Variants in RPS6KA2 observed in about 807,000 individuals in gnomAD.
RPS6KA2 encodes ribosomal protein S6 kinase alpha-2.
Under a neutral mutation model 91.8 loss-of-function variants are expected in RPS6KA2, and 42 were observed. That is an observed-to-expected ratio of 0.46 (90% CI 0.36 to 0.59). The LOEUF is 0.59. RPS6KA2 is among the 20% of genes least tolerant of loss of function. The pLI is 0.00. For synonymous variants in RPS6KA2, 414 were observed against 393.6 expected (o/e 1.05, Z -0.61); for missense variants, 798 against 978.5 (o/e 0.82, Z 2.46).
At chr6:166,583,437 GA>G (rs1770166163) in intron 1 of RPS6KA2, among the ~76,000 whole-genome samples, 1 of 152,214 alleles carries the variant, frequency 6.6e-6, no homozygotes, top group African/African-American at 2.4e-5. Flanking sequence ...GCACAGAGGC[GA>G]AAACCAATGG....
At chr6:166,567,100 C>G (rs1784530089) in intron 1 of RPS6KA2, among the ~76,000 whole-genome samples, 1 of 152,178 alleles carries the variant, frequency 6.6e-6, no homozygotes, top group Admixed American at 6.5e-5. Context: ...CTGAGGTAAC[C>G]CAGGAAGACA....
Position 166,825,030 on chromosome 6 carries a change from G to A in RPS6KA2, c.123+33170C>T, listed in dbSNP as rs11961705. On this transcript the variant is annotated intron_variant, in intron 2 of 21. Transcript: ENST00000503859. The surrounding 1 kb of genome is among the most constrained non-coding windows in gnomAD (Gnocchi z 4.1). Reference sequence around the variant, plus strand: ...GAGCACCCCAGGGAGCTGCCTTCCCGTCCGTCTTCTGCCTCCACCCACACA... The same window carrying A: ...GAGCACCCCAGGGAGCTGCCTTCCCATCCGTCTTCTGCCTCCACCCACACA... Among the ~76,000 whole-genome samples, 19,933 of 152,260 alleles carry A rather than the reference G, an allele frequency of 0.13. 1,508 individuals carry two copies. Among genetic ancestry groups the A allele is most frequent in the East Asian group, 0.28 (1,431 of 5,188 alleles).
chr6:166,544,238 G>T (rs531050220), intron 1 of RPS6KA2, among the ~76,000 whole-genome samples: 1 of 152,216 alleles, frequency 6.6e-6, no homozygotes, highest in African/African-American at 2.4e-5. Flanking sequence ...CTACCACGCC[G>T]CTAGAATGGA....
rs1788316631 is a variant in RPS6KA2 at position 166,666,384 on chromosome 6, T to C, written c.124-127600A>G. Among the ~76,000 whole-genome samples, 1 of 152,222 alleles carries C rather than the reference T, an allele frequency of 6.6e-6. No individual in the cohort carries two copies. On this transcript the variant is annotated intron_variant, in intron 2 of 21. Transcript: ENST00000503859. This position sits in a 1 kb window ranked among gnomAD's most constrained non-coding sequence, Gnocchi z 4.0. ...GTACTCAGATCCTGACATTTGTCAG[T>C]TGTGTCAAAATGCTAGAAAGTACCA... is the stretch of plus-strand genomic sequence containing the variant.
intron 1 of RPS6KA2, among the ~76,000 whole-genome samples, chr6:166,541,028 C>A (rs1783636446): frequency 6.6e-6 from 1 of 152,240 alleles, no homozygotes; most frequent in African/African-American, 2.4e-5. Flanking sequence ...ACTGTCCTCG[C>A]AATGGGTCCA....
chr6:166,547,164 G>A (rs1413056654), intron 1 of RPS6KA2, among the ~76,000 whole-genome samples: 2 of 152,154 alleles, frequency 1.3e-5, no homozygotes, highest in African/African-American at 4.8e-5. Context: ...GCAGAGGGAC[G>A]CTTGCTGGGG....
At chr6:166,469,230 A>G (rs1780659652) in intron 11 of RPS6KA2, among the ~76,000 whole-genome samples, 2 of 152,182 alleles carry the variant, frequency 1.3e-5, no homozygotes, top group Non-Finnish European at 2.9e-5. Flanking sequence ...AACTTCTCAG[A>G]CAATGTCCAG....
intron 3 of RPS6KA2, among the ~76,000 whole-genome samples, chr6:166,520,194 C>T (rs1408744121): frequency 6.6e-6 from 1 of 152,134 alleles, no homozygotes; most frequent in East Asian, 1.9e-4. Flanking sequence ...CTCAGGACTT[C>T]GAATTCAGAC....
chr6:166,480,272 T>G, intron 10 of RPS6KA2, among the ~76,000 whole-genome samples: 1 of 151,824 alleles, frequency 6.6e-6, no homozygotes, highest in East Asian at 1.9e-4. Flanking sequence ...TAGACCTCCA[T>G]GAAGACAGTA....
Position 166,423,643 on chromosome 6 carries a change from C to T in RPS6KA2, c.1582-226G>A, listed in dbSNP as rs1175144007. 1.3e-5 allele frequency among the ~76,000 whole-genome samples: 2 copies of T among 152,340 alleles called. No individual in the cohort carries two copies. Among genetic ancestry groups the T allele is most frequent in the African/African-American group, 4.8e-5 (2 of 41,562 alleles). On this transcript the variant is annotated intron_variant, in intron 16 of 20. Transcript: ENST00000265678. This position sits in a 1 kb window ranked among gnomAD's most constrained non-coding sequence, Gnocchi z 4.8. ...CTCACTTCTGAGCTCCTGGTGTCAC[C>T]TGCTTTTACAGTGAATGAATATTTG...
intron 1 of RPS6KA2, among the ~76,000 whole-genome samples, chr6:166,594,186 G>A (rs1031339327): frequency 2.0e-5 from 3 of 152,182 alleles, no homozygotes; most frequent in Non-Finnish European, 4.4e-5. Flanking sequence ...TTCTGAAAAT[G>A]TCTTGGTAAG....
At chr6:166,579,356 C>A (rs993001912) in intron 1 of RPS6KA2, among the ~76,000 whole-genome samples, 7 of 152,228 alleles carry the variant, frequency 4.6e-5, no homozygotes, top group African/African-American at 1.7e-4. Flanking sequence ...TTCTTGGCTG[C>A]TCGGGCCCTT....
chr6:166,471,307 T>G (rs1016006874), intron 10 of RPS6KA2, among the ~76,000 whole-genome samples: 3 of 152,180 alleles, frequency 2.0e-5, no homozygotes, highest in Non-Finnish European at 4.4e-5. Context: ...TGGCTGGAAC[T>G]GCCCGTGTCC....
chr6:166,823,932 T>C (rs2128624070), intron 2 of RPS6KA2, among the ~76,000 whole-genome samples: 1 of 152,290 alleles, frequency 6.6e-6, no homozygotes, highest in Middle Eastern at 3.4e-3. Context: ...GTTGGGAGTA[T>C]AAACTGGCAC....
intron 2 of RPS6KA2, among the ~76,000 whole-genome samples, chr6:166,756,150 C>T (rs1376147813): frequency 3.9e-5 from 6 of 152,002 alleles, no homozygotes; most frequent in South Asian, 2.1e-4. Context: ...ATTAGCCAGG[C>T]GTGGTGGCAG....
At chr6:166,604,642 A>G (rs1472575299) in intron 1 of RPS6KA2, among the ~76,000 whole-genome samples, 2 of 152,238 alleles carry the variant, frequency 1.3e-5, no homozygotes, top group Non-Finnish European at 2.9e-5. Context: ...GCTTGCTGTA[A>G]GAAGTCAACA....
rs149011816 is a variant in RPS6KA2, at chr6:166,805,805, G to T, written c.123+52395C>A. On this transcript the variant is annotated intron_variant, in intron 2 of 21. Transcript: ENST00000503859. ...AACTGTCCCTGAAAAAGACCTGATG[G>T]TAGATCTACTAGACAGACTTTAAAA... Among the ~76,000 whole-genome samples, 565 of 152,262 alleles carry T rather than the reference G, an allele frequency of 3.7e-3. 5 individuals are homozygous for T. Among genetic ancestry groups the T allele is most frequent in the African/African-American group, 0.013 (541 of 41,538 alleles).
chr6:166,633,686 T>C (rs1207178665), intron 2 of RPS6KA2, among the ~76,000 whole-genome samples: 1 of 152,248 alleles, frequency 6.6e-6, no homozygotes, highest in African/African-American at 2.4e-5. Context: ...AACATTATGG[T>C]AGAAAATGCT....
At chr6:166,544,094 C>T (rs550238332) in intron 1 of RPS6KA2, among the ~76,000 whole-genome samples, 2 of 152,372 alleles carry the variant, frequency 1.3e-5, no homozygotes, top group African/African-American at 4.8e-5. Flanking sequence ...TCCTTGGGTT[C>T]CCTGCTCTAA....
Sources: gnomAD v4.1 joint callset for allele counts (sites outside exome capture counted in the v4.1 genomes callset) on GRCh38, gnomAD v4.1.1 for gene constraint, Gnocchi (gnomAD v3.1) non-coding constraint, MANE v1.5 for transcripts, NCBI Gene and HGNC (gene_info 2026-07-23, HGNC 2026-07-21) for gene names.